Variants in CPT2 observed in about 807,000 individuals in gnomAD.
The protein encoded by CPT2 is carnitine palmitoyltransferase 2.
CPT2 carries 37 observed loss-of-function variants against 48.6 expected under a neutral mutation model. The ratio of observed to expected loss-of-function variants is 0.76; its 90% CI spans 0.59 to 1.00. The LOEUF is 1.00. Among genes scored for constraint, CPT2 ranks in the 50% least tolerant of loss-of-function variants. The pLI, the probability that CPT2 is intolerant of heterozygous loss-of-function variation, is 0.00. For missense variants in CPT2, 772 were observed against 825.6 expected, an observed-to-expected ratio of 0.94 and a Z score of 0.80; for synonymous variants, 319 against 326.9, an observed-to-expected ratio of 0.98 and a Z score of 0.26.
At chr1:53,206,007 C>T (rs866918285) in intron 3 of CPT2, among the ~76,000 whole-genome samples, 1 of 151,860 alleles carries the variant, frequency 6.6e-6, no homozygotes, top group Non-Finnish European at 1.5e-5. Flanking sequence ...ATGGTGAAAC[C>T]CTGTCTGTAT....
chr1:53,197,011 G>A lies in CPT2; in HGVS notation c.68G>A (p.Arg23Gln). 6.5e-7 allele frequency: 1 copy of A among 1,533,542 alleles called. No individual in the cohort carries two copies. Among genetic ancestry groups the A allele is most frequent in the Non-Finnish European group, 8.7e-7 (1 of 1,144,612 alleles). 95.0% of individuals were successfully genotyped at this position (1,533,542 alleles called of 1,614,324 possible). The change falls in exon 1 of 5, where the codon CGG becomes CAG. Residue 23 changes from arginine to glutamine, a missense_variant. Physicochemically the swap from Arg to Gln is conservative, Grantham distance 43 (BLOSUM62 1). Transcript: ENST00000371486. ...GPAVGPGAPSRPLSAGSGPGQ... is the reference protein window; with the variant it reads ...GPAVGPGAPSQPLSAGSGPGQ... ...GCGGTTGGTCCGGGAGCCCCCAGTC[G>A]GCCCCTCAGCGCCGGCTCCGGGCCC...
Position 53,210,521 on chromosome 1 carries a change from G to A in CPT2, c.847G>A (p.Ala283Thr), listed in dbSNP as rs770874001. 9.9e-6 allele frequency: 16 copies of A among 1,614,040 alleles called. No individual in the cohort carries two copies. The highest frequency in any genetic ancestry group is 3.3e-5 in the Admixed American group (2 of 60,012). The change falls in exon 4 of 5, where the codon GCC becomes ACC. Residue 283 changes from alanine (A) to threonine (T), a missense_variant. Physicochemically the swap from Ala to Thr is moderately conservative, Grantham distance 58. Transcript: ENST00000371486. Reference protein sequence around the residue: ...LKYILSDSSPAPEFPLAYLTS... With the variant: ...LKYILSDSSPTPEFPLAYLTS... ...GTACATTCTCTCAGACAGCAGCCCC[G>A]CCCCCGAGTTTCCCCTGGCATACCT... is the stretch of plus-strand genomic sequence containing the variant.
chr1:53,212,813 G>A, intron 4 of CPT2: 2 of 426,442 alleles, frequency 4.7e-6, no homozygotes, highest in Non-Finnish European at 8.2e-6. Flanking sequence ...CCGTTACACA[G>A]CAAGTTAGTA....
Position 53,212,824 on chromosome 1 carries a change from G to C in CPT2, c.1646-440G>C, listed in dbSNP as rs868298284. ...GGCCCCGTTACACAGCAAGTTAGTA[G>C]TAAGACTGAGATTCGAACCCTGGTC... On this transcript the variant is annotated intron_variant, in intron 4 of 4. Coordinates refer to ENST00000371486, the MANE Select transcript of CPT2 (RefSeq NM_000098.3). 3.9e-5 allele frequency: 17 copies of C among 439,042 alleles called. No homozygotes were observed. In the South Asian group the frequency reaches 1.1e-3, roughly 28 times the overall value. 27.2% of individuals were successfully genotyped at this position (439,042 alleles called of 1,614,324 possible). A position where few individuals can be genotyped will look rare whatever the true frequency, so the allele number is the denominator to read the frequency against.
At position 53,200,776 on chromosome 1, in the gene CPT2, T is replaced by A; in HGVS notation, c.210T>A (p.Pro70=). 1.2e-6 allele frequency: 2 copies of A among 1,613,984 alleles called. No homozygotes were observed. The highest frequency in any genetic ancestry group is 1.7e-6 in the Non-Finnish European group (2 of 1,179,884). Residue 70 remains proline, a synonymous_variant, in exon 2 of 5, where the codon CCT becomes CCA. Transcript: ENST00000371486. ...GGAGATACCTCAGTGCACAGAAGCC[T>A]CTCTTGAATGATGGCCAGTTCAGGT... ...TIRRYLSAQK[P]LLNDGQFRKT... is the part of the protein sequence containing the mutation.
At position 53,211,000 on chromosome 1, in the gene CPT2, T is replaced by C. The variant is rs1572385629; in HGVS notation, c.1326T>C (p.Thr442=). Residue 442 remains threonine (T), a synonymous_variant, in exon 4 of 5, where the codon ACT becomes ACC. Coordinates refer to ENST00000371486, the MANE Select transcript of CPT2 (RefSeq NM_000098.3). ...EKFDATMKTL[T]IDCVQFQRGG... is the part of the protein sequence containing the mutation. ...TTGATGCCACCATGAAAACCCTCAC[T>C]ATTGACTGCGTCCAGTTTCAGAGAG... 1 of 1,614,150 alleles carries C rather than the reference T, an allele frequency of 6.2e-7. No individual in the cohort carries two copies.
chr1:53,201,074 G>A (rs1572380287), intron 2 of CPT2: 18 of 473,212 alleles, frequency 3.8e-5, no homozygotes, highest in South Asian at 1.8e-4. Flanking sequence ...TGGGAGGCTC[G>A]CTGGTCCTGG....
Position 53,201,528 on chromosome 1 carries a change from TGA to T in CPT2, c.233+734_233+735del, listed in dbSNP as rs534871886. On this transcript the variant is annotated intron_variant, in intron 2 of 4. Transcript: ENST00000371486. ...TTTGTCCTTAAAGCTTCCAGAACTGTGAGAGAATAAATTTCTGTTGTTTTCAG... is the reference window on the plus strand; with the variant it reads ...TTTGTCCTTAAAGCTTCCAGAACTGTGAGAATAAATTTCTGTTGTTTTCAG... 4.2e-3 allele frequency: 643 copies of T among 153,424 alleles called. 1 individual carries two copies. The highest frequency in any genetic ancestry group is 7.0e-3 in the Non-Finnish European group (484 of 68,842). 9.5% of individuals were successfully genotyped at this position (153,424 alleles called of 1,614,324 possible).
intron 3 of CPT2, among the ~76,000 whole-genome samples, chr1:53,204,530 A>G (rs1645374870): frequency 1.3e-5 from 2 of 151,960 alleles, no homozygotes; most frequent in East Asian, 3.9e-4. Context: ...CAGATGCTTC[A>G]TAATCCTGTG....
rs786204647 is a variant in CPT2, at chr1:53,196,977, CG to C, written c.38del (p.Gly13AlafsTer60). ...VPRLLLRAWP[R>X]GPAVGPGAPS... Reference sequence around the variant, plus strand: ...CCGCCTGCTGCTGCGCGCCTGGCCCCGGGGCCCCGCGGTTGGTCCGGGAGCC... The same window carrying C: ...CCGCCTGCTGCTGCGCGCCTGGCCCCGGGCCCCGCGGTTGGTCCGGGAGCC... On this transcript the variant is annotated frameshift_variant, in exon 1 of 5. Coordinates refer to ENST00000371486, the MANE Select transcript of CPT2 (RefSeq NM_000098.3). LOFTEE classifies it high-confidence loss of function. 1.3e-6 allele frequency: 2 copies of C among 1,527,506 alleles called. No individual in the cohort carries two copies. 94.6% of individuals were successfully genotyped at this position (1,527,506 alleles called of 1,614,324 possible).
At chr1:53,200,936 A>G in intron 2 of CPT2, 137 bp downstream of exon 2, 1 of 732,720 alleles carries the variant, frequency 1.4e-6, no homozygotes, top group Non-Finnish European at 2.5e-6. Flanking sequence ...GTACATCTGC[A>G]AGTTCAGGAA....
intron 4 of CPT2, among the ~76,000 whole-genome samples, chr1:53,213,014 C>T (rs2100277814): frequency 6.6e-6 from 1 of 152,252 alleles, no homozygotes; most frequent in East Asian, 1.9e-4. Flanking sequence ...TCCTTTTAGG[C>T]TCATTTTTAG....
In CPT2 at chr1:53,197,005, C is replaced by A. The variant is rs1399429530; in HGVS notation, c.62C>A (p.Pro21His). Residue 21 changes from proline to histidine, a missense_variant, in exon 1 of 5, where the codon CCC becomes CAC. Coordinates refer to ENST00000371486, the MANE Select transcript of CPT2 (RefSeq NM_000098.3). ...PRGPAVGPGA[P>H]SRPLSAGSGP... Reference sequence around the variant, plus strand: ...GGCCCCGCGGTTGGTCCGGGAGCCCCCAGTCGGCCCCTCAGCGCCGGCTCC... The same window carrying A: ...GGCCCCGCGGTTGGTCCGGGAGCCCACAGTCGGCCCCTCAGCGCCGGCTCC... 32 of 1,532,996 alleles carry A rather than the reference C, an allele frequency of 2.1e-5. No individual in the cohort carries two copies. The highest frequency in any genetic ancestry group is 2.5e-5 in the Non-Finnish European group (29 of 1,144,568). 95.0% of individuals were successfully genotyped at this position (1,532,996 alleles called of 1,614,324 possible). A position where few individuals can be genotyped will look rare whatever the true frequency, so the allele number is the denominator to read the frequency against.
chr1:53,200,571 A>G (rs981262019), intron 1 of CPT2, 148 bp from the exon 2 acceptor site: 1 of 717,062 alleles, frequency 1.4e-6, no homozygotes, highest in African/African-American at 1.7e-5. Flanking sequence ...GGCATTAGTA[A>G]ACCCATTGAT....
At chr1:53,197,126 G>T in intron 1 of CPT2, 31 bp downstream of exon 1, 1 of 1,536,238 alleles carries the variant, frequency 6.5e-7, no homozygotes, top group East Asian at 2.4e-5. Flanking sequence ...CCCGCCGCCC[G>T]CCGCCGTCCC....
At chr1:53,203,702 G>GC (rs1557714513) in intron 3 of CPT2, 2 of 151,934 alleles carry the variant, frequency 1.3e-5, no homozygotes, top group Non-Finnish European at 2.9e-5. Flanking sequence ...ATCAGCTGGG[G>GC]CATCTGTCAT....
chr1:53,213,413 C>T lies in CPT2; in HGVS notation c.1795C>T (p.Leu599Phe), dbSNP rs775113044. 3 of 1,614,142 alleles carry T rather than the reference C, an allele frequency of 1.9e-6. No individual in the cohort carries two copies. Among genetic ancestry groups the T allele is most frequent in the African/African-American group, 2.7e-5 (2 of 74,944 alleles). ...CACACTGAGCAGCCCAGCAGTGAAC[C>T]TTGGGGGCTTTGCCCCTGTGGTCTC... ...TSTLSSPAVNLGGFAPVVSDG... is the reference protein window; with the variant it reads ...TSTLSSPAVNFGGFAPVVSDG... Residue 599 changes from leucine (L) to phenylalanine (F), a missense_variant, in exon 5 of 5, where the codon CTT becomes TTT. Leu to Phe is a conservative substitution (Grantham distance 22). Coordinates refer to ENST00000371486, the MANE Select transcript of CPT2 (RefSeq NM_000098.3).
chr1:53,202,232 C>A, intron 2 of CPT2, 91 bp from the exon 3 acceptor site: 3 of 986,170 alleles, frequency 3.0e-6, no homozygotes, highest in Non-Finnish European at 3.2e-6. Flanking sequence ...CTGTTGGGGA[C>A]CCAAAACTCT....
chr1:53,213,900 T>G lies in CPT2; in HGVS notation c.*305T>G, dbSNP rs994459489. 1 of 377,666 alleles carries G rather than the reference T, an allele frequency of 2.6e-6. No individual in the cohort carries two copies. The highest frequency in any genetic ancestry group is 5.0e-6 in the Non-Finnish European group (1 of 199,912). 23.4% of individuals were successfully genotyped at this position (377,666 alleles called of 1,614,324 possible). A position where few individuals can be genotyped will look rare whatever the true frequency, so the allele number is the denominator to read the frequency against. Reference sequence around the variant, plus strand: ...GAGATCACACCACTGCACTCCGGCCTGGGCGACAGAGCGAGACTGTCTCAA... The same window carrying G: ...GAGATCACACCACTGCACTCCGGCCGGGGCGACAGAGCGAGACTGTCTCAA... On this transcript the variant is annotated 3_prime_UTR_variant, in exon 5 of 5. Transcript: ENST00000371486.
Sources: gnomAD v4.1 joint callset for allele counts (sites outside exome capture counted in the v4.1 genomes callset) on GRCh38, gnomAD v4.1.1 for gene constraint, MANE v1.5 for transcripts, NCBI Gene and HGNC (gene_info 2026-07-23, HGNC 2026-07-21) for gene names.